The following GRAMD2A variants were observed in gnomAD, a reference collection of about 807,000 sequenced individuals.
GRAMD2A encodes GRAM domain-containing protein 2A.
A neutral mutation model predicts 51.1 loss-of-function variants in GRAMD2A; 37 were observed. The ratio of observed to expected loss-of-function variants is 0.72; its 90% CI spans 0.56 to 0.95. GRAMD2A has a LOEUF of 0.95. Among genes scored for constraint, GRAMD2A ranks in the 40% least tolerant of loss-of-function variants. The pLI, the probability that GRAMD2A is intolerant of heterozygous loss-of-function variation, is 0.00. For missense variants in GRAMD2A, 414 were observed against 426.9 expected, an observed-to-expected ratio of 0.97 and a Z score of 0.27; for synonymous variants, 136 against 157.1, an observed-to-expected ratio of 0.87 and a Z score of 1.01.
intron 8 of GRAMD2A, 60 bp from the exon 9 acceptor site, chr15:72,163,817 G>C: frequency 6.4e-7 from 1 of 1,551,942 alleles, no homozygotes; most frequent in East Asian, 2.3e-5. Context: ...TTGCCCTAAG[G>C]AGCCCACACC....
intron 1 of GRAMD2A, among the ~76,000 whole-genome samples, chr15:72,175,226 G>A (rs1368114124): frequency 1.3e-5 from 2 of 151,810 alleles, no homozygotes; most frequent in East Asian, 1.9e-4. Flanking sequence ...ACTACACCAC[G>A]CAAGCCCAGG....
At chr15:72,190,556 G>A (rs1046753628) in intron 1 of GRAMD2A, among the ~76,000 whole-genome samples, 5 of 152,136 alleles carry the variant, frequency 3.3e-5, no homozygotes, top group African/African-American at 9.7e-5. Context: ...TTCTTATATT[G>A]CAAGATTCAT....
In GRAMD2A at chr15:72,161,940, C is replaced by G; in HGVS notation, c.*69G>C. The stretch of plus-strand genomic sequence containing the variant: ...CAGCAGCAGCATAAACCACAGGGAT[C>G]ATTGGTGGAGACTTAGCACCCAGAA... On this transcript the variant is annotated 3_prime_UTR_variant, in exon 12 of 12. Coordinates refer to ENST00000309731, the MANE Select transcript of GRAMD2A (RefSeq NM_001012642.3). 6.5e-7 allele frequency: 1 copy of G among 1,544,166 alleles called. No individual in the cohort carries two copies. The highest frequency in any genetic ancestry group is 2.2e-5 in the East Asian group (1 of 44,542).
At chr15:72,192,779 TG>T (rs2081777338) in intron 1 of GRAMD2A, among the ~76,000 whole-genome samples, 1 of 152,190 alleles carries the variant, frequency 6.6e-6, no homozygotes, top group Non-Finnish European at 1.5e-5. Context: ...AAATTAACAA[TG>T]TAATTACAAA....
chr15:72,168,173 G>A (rs949069380), intron 4 of GRAMD2A, among the ~76,000 whole-genome samples: 18 of 152,154 alleles, frequency 1.2e-4, no homozygotes, highest in Admixed American at 2.0e-4. Flanking sequence ...GCTCTGCTCT[G>A]CCCCAAGGGC....
intron 8 of GRAMD2A, among the ~76,000 whole-genome samples, chr15:72,164,180 C>T (rs539713810): frequency 3.9e-5 from 6 of 152,246 alleles, no homozygotes; most frequent in South Asian, 2.1e-4. Flanking sequence ...ACCTTCTATC[C>T]GGCACATGGT....
rs2081456061 is a variant in GRAMD2A, at chr15:72,160,192, A to G, written c.*1817T>C. The G allele has an allele frequency of 6.6e-6, 1 of 152,122 alleles. No individual in the cohort carries two copies. Among genetic ancestry groups the G allele is most frequent in the African/African-American group, 2.4e-5 (1 of 41,408 alleles). The allele number at this position is 152,122 out of a possible 1,614,324, so 9.4% of individuals were successfully genotyped here. Reference sequence around the variant, plus strand: ...CATCCACCTATAACTGGCACCTCTCATGGCCTCTGACAACCAAGCAAGGCT... The same window carrying G: ...CATCCACCTATAACTGGCACCTCTCGTGGCCTCTGACAACCAAGCAAGGCT... On this transcript the variant is annotated 3_prime_UTR_variant, in exon 12 of 12. Transcript: ENST00000309731.
chr15:72,168,581 G>T lies in GRAMD2A; in HGVS notation c.193-15C>A. 1 of 1,610,498 alleles carries T rather than the reference G, an allele frequency of 6.2e-7. No individual in the cohort carries two copies. The highest frequency in any genetic ancestry group is 2.2e-5 in the East Asian group (1 of 44,876). On this transcript the variant is annotated splice_polypyrimidine_tract_variant and intron_variant, in intron 3 of 11. Coordinates refer to ENST00000309731, the MANE Select transcript of GRAMD2A (RefSeq NM_001012642.3). ...TTCAGTGTTATCTGCAAACACACAGGCTGCGTCTGAGAAGCGCTGGGAGAT... is the reference window on the plus strand; with the variant it reads ...TTCAGTGTTATCTGCAAACACACAGTCTGCGTCTGAGAAGCGCTGGGAGAT...
In GRAMD2A at chr15:72,166,583, A is replaced by T. The variant is rs925365989; in HGVS notation, c.543+49T>A. ...CCCAACACCCTTGTGCAAGACCTGC[A>T]TCCAGGCCTGAGCGACTTCCCTGGC... On this transcript the variant is annotated intron_variant, in intron 7 of 11. Coordinates refer to ENST00000309731, the MANE Select transcript of GRAMD2A (RefSeq NM_001012642.3). This position sits in a 1 kb window ranked among gnomAD's most constrained non-coding sequence, Gnocchi z 4.1. The T allele has an allele frequency of 7.1e-7, 1 of 1,400,702 alleles. No homozygotes were observed. The highest frequency in any genetic ancestry group is 1.0e-6 in the Non-Finnish European group (1 of 986,962). 86.8% of individuals were successfully genotyped at this position (1,400,702 alleles called of 1,614,324 possible).
intron 1 of GRAMD2A, among the ~76,000 whole-genome samples, chr15:72,172,744 T>C (rs2081623125): frequency 6.6e-6 from 1 of 152,176 alleles, no homozygotes; most frequent in Admixed American, 6.5e-5. Context: ...AAATTCTTTA[T>C]TGAGAACGTT....
intron 1 of GRAMD2A, among the ~76,000 whole-genome samples, chr15:72,190,042 C>T (rs2081757369): frequency 6.6e-6 from 1 of 152,192 alleles, no homozygotes; most frequent in African/African-American, 2.4e-5. Context: ...TGAATATCAT[C>T]TATTAGATCT....
chr15:72,187,813 T>C (rs1009310706), intron 1 of GRAMD2A, among the ~76,000 whole-genome samples: 1 of 152,208 alleles, frequency 6.6e-6, no homozygotes, highest in Non-Finnish European at 1.5e-5. Context: ...TGAGTCACTG[T>C]ACCTGGCCAT....
chr15:72,178,655 C>T (rs1484217990), intron 1 of GRAMD2A, among the ~76,000 whole-genome samples: 1 of 148,544 alleles, frequency 6.7e-6, no homozygotes, highest in Admixed American at 6.7e-5. Flanking sequence ...GGCTCACTGC[C>T]AGCTCTGCCT....
At chr15:72,163,867 A>C in intron 8 of GRAMD2A, 110 bp from the exon 9 acceptor site, 1 of 1,168,244 alleles carries the variant, frequency 8.6e-7, no homozygotes, top group Non-Finnish European at 1.2e-6. Flanking sequence ...CCAAATATAG[A>C]TGCCTAGCCA....
chr15:72,179,785 C>G (rs569227055), intron 1 of GRAMD2A, among the ~76,000 whole-genome samples: 12 of 152,174 alleles, frequency 7.9e-5, no homozygotes, highest in Non-Finnish European at 1.3e-4. Flanking sequence ...GCCTCTGTCC[C>G]ATCACATCCT....
In GRAMD2A at chr15:72,161,494, G is replaced by C. The variant is rs939136763; in HGVS notation, c.*515C>G. The C allele has an allele frequency of 4.5e-5, 7 of 157,232 alleles. No individual in the cohort carries two copies. The highest frequency in any genetic ancestry group is 1.7e-4 in the African/African-American group (7 of 41,504). The allele number at this position is 157,232 out of a possible 1,614,324, so 9.7% of individuals were successfully genotyped here. A position where few individuals can be genotyped will look rare whatever the true frequency, so the allele number is the denominator to read the frequency against. ...CCTGCCCAAGCCTGACAGGTGCCTG[G>C]CTGCCCGCAGAGAAGCCCTGTGGGA... On this transcript the variant is annotated 3_prime_UTR_variant, in exon 12 of 12. Transcript: ENST00000309731.
chr15:72,195,518 T>C (rs1341619365), intron 1 of GRAMD2A, among the ~76,000 whole-genome samples: 5 of 152,144 alleles, frequency 3.3e-5, no homozygotes, highest in African/African-American at 4.8e-5. Context: ...GCAACCCACC[T>C]TGGGTACTGC....
At chr15:72,188,254 T>C (rs2081746625) in intron 1 of GRAMD2A, among the ~76,000 whole-genome samples, 1 of 151,876 alleles carries the variant, frequency 6.6e-6, no homozygotes, top group Middle Eastern at 3.2e-3. Flanking sequence ...GGAGAATCAC[T>C]TGAACCCAGG....
chr15:72,171,487 C>T (rs891986806), intron 1 of GRAMD2A, among the ~76,000 whole-genome samples: 22 of 152,154 alleles, frequency 1.4e-4, no homozygotes, highest in Non-Finnish European at 2.9e-4. Flanking sequence ...TTTCCCATGT[C>T]ACTCACTGTC....
Sources: gnomAD v4.1 joint callset for allele counts (sites outside exome capture counted in the v4.1 genomes callset) on GRCh38, gnomAD v4.1.1 for gene constraint, Gnocchi (gnomAD v3.1) non-coding constraint, MANE v1.5 for transcripts, NCBI Gene and HGNC (gene_info 2026-07-23, HGNC 2026-07-21) for gene names.